Variants in BRD10 observed in about 807,000 individuals in gnomAD.
The protein encoded by BRD10 is bromodomain containing 10, also known as uncharacterized bromodomain-containing protein 10.
At chr9:5,948,362 T>C in the BRD10 span, among the ~76,000 whole-genome samples, 1 of 152,172 alleles carries the variant, frequency 6.6e-6, no homozygotes, top group Admixed American at 6.5e-5. Flanking sequence ...ATCTAACAAC[T>C]GAACTTGTAT....
the BRD10 span, among the ~76,000 whole-genome samples, chr9:5,985,700 G>A: frequency 6.6e-6 from 1 of 152,126 alleles, no homozygotes; most frequent in South Asian, 2.1e-4. Flanking sequence ...CAGGGGAATC[G>A]CTTGAACCTG....
At chr9:5,892,398 G>C in the BRD10 span, 11 of 1,337,142 alleles carry the variant, frequency 8.2e-6, no homozygotes, top group African/African-American at 1.5e-4. Context: ...ATGAGATGAT[G>C]AATAGGGTGG....
chr9:5,911,376 T>C, the BRD10 span, among the ~76,000 whole-genome samples: 1 of 151,250 alleles, frequency 6.6e-6, no homozygotes, highest in African/African-American at 2.4e-5. Context: ...GTTTCTGAGT[T>C]CTCTATTGTG....
At chr9:6,007,139 T>A in the BRD10 span, 13 of 1,527,968 alleles carry the variant, frequency 8.5e-6, no homozygotes, top group Non-Finnish European at 1.2e-5. Flanking sequence ...CTCGGGCACG[T>A]GTGAGTGTGT....
chr9:5,997,796 T>C, the BRD10 span, among the ~76,000 whole-genome samples: 2 of 152,178 alleles, frequency 1.3e-5, no homozygotes, highest in African/African-American at 2.4e-5. Flanking sequence ...TAAGCACTTA[T>C]AGGTAGTGGG....
the BRD10 span, chr9:5,920,631 G>C: frequency 9.9e-6 from 16 of 1,613,974 alleles, 1 homozygote; most frequent in African/African-American, 1.9e-4. Context: ...CCTGGTGAAT[G>C]GAACTGGAGT....
chr9:5,886,631 G>A, the BRD10 span, among the ~76,000 whole-genome samples: 1 of 152,220 alleles, frequency 6.6e-6, no homozygotes, highest in Non-Finnish European at 1.5e-5. Flanking sequence ...AGATTGCCAG[G>A]GGAGAAAAGG....
At chr9:5,977,573 C>T in the BRD10 span, among the ~76,000 whole-genome samples, 7 of 152,118 alleles carry the variant, frequency 4.6e-5, no homozygotes, top group Admixed American at 6.5e-5. Context: ...AGTGGCTGGG[C>T]GCAGTGGCTC....
At chr9:5,883,086 C>T in the BRD10 span, among the ~76,000 whole-genome samples, 2 of 151,840 alleles carry the variant, frequency 1.3e-5, no homozygotes, top group African/African-American at 4.8e-5. Context: ...TGCAGCACAC[C>T]AACATGGCAC....
chr9:5,888,451 G>T, the BRD10 span, among the ~76,000 whole-genome samples: 1 of 152,190 alleles, frequency 6.6e-6, no homozygotes. Context: ...CTTGTTCTTT[G>T]TTGTATGTTT....
At chr9:6,008,295 G>C in the BRD10 span, 1 of 985,026 alleles carries the variant, frequency 1.0e-6, no homozygotes, top group East Asian at 1.1e-4. Context: ...GGGGGACACG[G>C]GCAGAAGGAG....
the BRD10 span, among the ~76,000 whole-genome samples, chr9:5,994,017 GCT>G: frequency 6.6e-6 from 1 of 152,080 alleles, no homozygotes; most frequent in Non-Finnish European, 1.5e-5. Context: ...ATCTTTACAA[GCT>G]CTGTGCTACA....
the BRD10 span, among the ~76,000 whole-genome samples, chr9:5,880,806 G>A: frequency 3.3e-5 from 5 of 151,634 alleles, no homozygotes; most frequent in South Asian, 1.0e-3. Context: ...CCAGGCTCAA[G>A]CAATTCTCCT....
chr9:5,883,982 A>C, the BRD10 span, among the ~76,000 whole-genome samples: 9 of 152,196 alleles, frequency 5.9e-5, no homozygotes, highest in South Asian at 8.3e-4. Context: ...TTGCAGATAA[A>C]GAGACTGATG....
chr9:5,983,919 T>C, the BRD10 span, among the ~76,000 whole-genome samples: 1 of 146,610 alleles, frequency 6.8e-6, no homozygotes, highest in Admixed American at 6.9e-5. Flanking sequence ...AAAGTGCTGA[T>C]AGGAAAAAAC....
chr9:5,925,017 G>GT, the BRD10 span, among the ~76,000 whole-genome samples: 1 of 152,098 alleles, frequency 6.6e-6, no homozygotes, highest in Non-Finnish European at 1.5e-5. Context: ...CAATGCTCAG[G>GT]AAGACAGAAC....
the BRD10 span, among the ~76,000 whole-genome samples, chr9:5,983,962 T>TACATAC: frequency 7.7e-6 from 1 of 129,638 alleles, no homozygotes; most frequent in African/African-American, 2.9e-5. Flanking sequence ...GTATATGCAT[T>TACATAC]ACACACACAC....
At chr9:5,954,161 T>C in the BRD10 span, 1 of 835,696 alleles carries the variant, frequency 1.2e-6, no homozygotes, top group Non-Finnish European at 1.9e-6. Context: ...AAAAAACAAA[T>C]TACGCAGATC....
chr9:5,905,863 C>T, the BRD10 span, among the ~76,000 whole-genome samples: 2 of 152,210 alleles, frequency 1.3e-5, no homozygotes, highest in African/African-American at 4.8e-5. Flanking sequence ...AGACTATTCT[C>T]CCGGCCATGG....
Sources: gnomAD v4.1 joint callset for allele counts (sites outside exome capture counted in the v4.1 genomes callset) on GRCh38, gnomAD v4.1.1 for gene constraint, MANE v1.5 for transcripts, NCBI Gene and HGNC (gene_info 2026-07-23, HGNC 2026-07-21) for gene names.